The following SORCS1 variants were observed in gnomAD, a reference collection of about 807,000 sequenced individuals.
SORCS1 encodes the protein sortilin related VPS10 domain containing receptor 1.
Under a neutral mutation model 146.1 loss-of-function variants are expected in SORCS1, and 60 were observed. The ratio of observed to expected loss-of-function variants is 0.41; its 90% CI spans 0.33 to 0.51. The LOEUF (loss-of-function observed/expected upper bound fraction) is 0.51, where lower values mean the gene tolerates loss of function less well. Among genes scored for constraint, SORCS1 ranks in the 20% least tolerant of loss-of-function variants. The pLI is 0.21. For missense variants in SORCS1, 1,352 were observed against 1,487.6 expected (o/e 0.91, Z 1.50); for synonymous variants, 637 against 584.0 (o/e 1.09, Z -1.31).
chr10:106,841,609 ATATTTGGTT>A (rs1216947253), intron 2 of SORCS1, among the ~76,000 whole-genome samples: 2 of 152,124 alleles, frequency 1.3e-5, no homozygotes, highest in Admixed American at 6.5e-5. Context: ...CTTTATTGTG[ATATTTGGTT>A]TATTGCAGTT....
rs766818370 is a variant in SORCS1, at chr10:106,970,336, C to CTTTTTTTTTTTTTTT, written c.559-13771_559-13757dup. 3.0e-3 allele frequency among the ~76,000 whole-genome samples: 269 copies of CTTTTTTTTTTTTTTT among 89,410 alleles called. 19 individuals are homozygous for CTTTTTTTTTTTTTTT. Among genetic ancestry groups the CTTTTTTTTTTTTTTT allele is most frequent in the Non-Finnish European group, 3.5e-3 (177 of 50,592 alleles). 58.7% of individuals were successfully genotyped at this position (89,410 alleles called of 152,430 possible). On this transcript the variant is annotated intron_variant, in intron 1 of 25. Coordinates refer to ENST00000263054, the MANE Select transcript of SORCS1 (RefSeq NM_052918.5). ...TTCCCTCCAAATGTAACCAACATCTCTTTTTTTTTTTTTTTTTTTGAGATG... is the reference window on the plus strand; with the variant it reads ...TTCCCTCCAAATGTAACCAACATCTCTTTTTTTTTTTTTTTTTTTTTTTTTTTTTTTTTTGAGATG...
At chr10:107,079,666 A>C (rs1362389107) in intron 1 of SORCS1, among the ~76,000 whole-genome samples, 1 of 152,170 alleles carries the variant, frequency 6.6e-6, no homozygotes, top group African/African-American at 2.4e-5. Flanking sequence ...GGGTGATAAA[A>C]ATTTGAGGCC....
intron 23 of SORCS1, among the ~76,000 whole-genome samples, chr10:106,606,272 TATACACACACACACACACACACA>T (rs1482723525): frequency 9.3e-6 from 1 of 107,752 alleles, no homozygotes; most frequent in Non-Finnish European, 2.1e-5. Context: ...CACACACAGA[TATACACACACACACACACACACA>T]CACACACACA....
chr10:106,663,817 A>G (rs1347595305), intron 17 of SORCS1, among the ~76,000 whole-genome samples: 1 of 152,200 alleles, frequency 6.6e-6, no homozygotes, highest in Non-Finnish European at 1.5e-5. Flanking sequence ...CAAAATGTGT[A>G]GCTTAGACAA....
At chr10:106,681,229 G>T (rs1852412073) in intron 10 of SORCS1, among the ~76,000 whole-genome samples, 1 of 152,146 alleles carries the variant, frequency 6.6e-6, no homozygotes, top group Admixed American at 6.5e-5. Flanking sequence ...CTCAGATGAT[G>T]TAAGACAGGG....
chr10:106,604,273 C>T (rs1044596734), intron 23 of SORCS1, among the ~76,000 whole-genome samples: 1 of 152,158 alleles, frequency 6.6e-6, no homozygotes, highest in Non-Finnish European at 1.5e-5. Flanking sequence ...TTCAAAAACT[C>T]CCTTTATTTT....
intron 2 of SORCS1, among the ~76,000 whole-genome samples, chr10:106,944,996 C>T (rs575708775): frequency 2.1e-4 from 31 of 148,934 alleles, no homozygotes; most frequent in Non-Finnish European, 3.7e-4. Context: ...AGCAATTCTC[C>T]TGCCTCAAAC....
At chr10:106,706,786 C>CA in intron 7 of SORCS1, 152 bp from the exon 8 acceptor site, 1 of 676,726 alleles carries the variant, frequency 1.5e-6, no homozygotes, top group Non-Finnish European at 2.5e-6. Flanking sequence ...GCCTTCAGTT[C>CA]AAACACAACT....
At chr10:106,630,983 G>A (rs1848408801) in intron 18 of SORCS1, among the ~76,000 whole-genome samples, 1 of 152,068 alleles carries the variant, frequency 6.6e-6, no homozygotes, top group African/African-American at 2.4e-5. Context: ...GTTGTTGTTA[G>A]CCTTTCCCAC....
intron 6 of SORCS1, among the ~76,000 whole-genome samples, chr10:106,726,955 G>A (rs1006118414): frequency 3.9e-5 from 6 of 151,976 alleles, no homozygotes; most frequent in African/African-American, 9.7e-5. Flanking sequence ...GCGTGGTAGC[G>A]GGTGCCTGTA....
At chr10:106,969,501 G>A (rs1006084485) in intron 1 of SORCS1, among the ~76,000 whole-genome samples, 4 of 152,210 alleles carry the variant, frequency 2.6e-5, no homozygotes, top group African/African-American at 4.8e-5. Context: ...AGATGGAAGA[G>A]TTGAAAGAAG....
chr10:106,862,352 C>T (rs578221328), intron 2 of SORCS1, among the ~76,000 whole-genome samples: 4,904 of 152,194 alleles, frequency 0.032, 233 homozygotes, highest in African/African-American at 0.11. Context: ...AAAACATATG[C>T]TTGCCTATTT....
chr10:106,816,952 G>A (rs1013393203), intron 3 of SORCS1, among the ~76,000 whole-genome samples: 1 of 152,166 alleles, frequency 6.6e-6, no homozygotes, highest in African/African-American at 2.4e-5. Flanking sequence ...GTGGGAGTCT[G>A]TAAATGTCAG....
chr10:107,027,657 C>G (rs1236058222), intron 1 of SORCS1, among the ~76,000 whole-genome samples: 1 of 152,142 alleles, frequency 6.6e-6, no homozygotes, highest in Non-Finnish European at 1.5e-5. Flanking sequence ...TGGATCCAGC[C>G]TGATTTATCA....
At chr10:106,616,639 G>A (rs1010611703) in intron 21 of SORCS1, among the ~76,000 whole-genome samples, 2 of 152,122 alleles carry the variant, frequency 1.3e-5, no homozygotes, top group African/African-American at 2.4e-5. Flanking sequence ...CACAGCCCTG[G>A]TTTATTTCTT....
intron 18 of SORCS1, among the ~76,000 whole-genome samples, chr10:106,649,346 C>T (rs781365397): frequency 1.3e-5 from 2 of 152,180 alleles, no homozygotes; most frequent in African/African-American, 4.8e-5. Flanking sequence ...CCCCTGTATG[C>T]TCCCCTAGAG....
At chr10:106,820,728 A>G (rs1781516676) in intron 3 of SORCS1, among the ~76,000 whole-genome samples, 1 of 152,222 alleles carries the variant, frequency 6.6e-6, no homozygotes, top group Non-Finnish European at 1.5e-5. Flanking sequence ...TCCATCTTAT[A>G]TAAGAGCAGC....
intron 3 of SORCS1, among the ~76,000 whole-genome samples, chr10:106,801,810 G>C (rs550856256): frequency 2.0e-5 from 3 of 152,204 alleles, no homozygotes; most frequent in South Asian, 4.2e-4. Context: ...GATTACAGGC[G>C]TGAGCCACCG....
intron 12 of SORCS1, among the ~76,000 whole-genome samples, chr10:106,678,620 A>G (rs915424208): frequency 1.3e-5 from 2 of 152,228 alleles, no homozygotes; most frequent in Non-Finnish European, 2.9e-5. Context: ...TATCTTGTTA[A>G]GATTGCTAAA....
Sources: allele counts gnomAD v4.1 joint callset (sites outside exome capture counted in the v4.1 genomes callset), GRCh38; gene constraint gnomAD v4.1.1; transcripts MANE v1.5; gene names NCBI Gene and HGNC (gene_info 2026-07-23, HGNC 2026-07-21).